The following FAM118A variants were observed in gnomAD, a reference collection of about 807,000 sequenced individuals.
FAM118A encodes SIR2 antiphage like 2, also known as protein FAM118A.
Under a neutral mutation model 38.2 loss-of-function variants are expected in FAM118A, and 25 were observed. The ratio of observed to expected loss-of-function variants is 0.65; its 90% CI spans 0.48 to 0.91. The LOEUF is 0.91. FAM118A is among the 40% of genes least tolerant of loss of function. The pLI, the probability that FAM118A is intolerant of heterozygous loss-of-function variation, is 0.00. For synonymous variants in FAM118A, 178 were observed against 184.1 expected (o/e 0.97, Z 0.27); for missense variants, 425 against 463.3 (o/e 0.92, Z 0.76).
chr22:45,331,882 T>G (rs1405301986), intron 5 of FAM118A, among the ~76,000 whole-genome samples: 1 of 121,452 alleles, frequency 8.2e-6, no homozygotes, highest in East Asian at 2.4e-4. Flanking sequence ...ACCCCGTCAG[T>G]CATGGTCACT....
chr22:45,326,867 G>A (rs1016325112), intron 3 of FAM118A, among the ~76,000 whole-genome samples: 1 of 23,144 alleles, frequency 4.3e-5, no homozygotes, highest in East Asian at 7.6e-4. Context: ...TTAACTAGGT[G>A]TTATGGTGTG....
rs774100442 is a variant in FAM118A, at chr22:45,328,342, G to A, written c.522+279G>A. On this transcript the variant is annotated intron_variant, in intron 4 of 8. Transcript: ENST00000441876. ...CTGGGGGTGCGGGAGGCCTTTGGCC[G>A]GCGGCAGAACAAGCCCATGGAGTCC... The A allele has an allele frequency of 5.8e-6, 6 of 1,040,840 alleles. 1 individual carries two copies. The highest frequency in any genetic ancestry group is 7.2e-6 in the Non-Finnish European group (5 of 696,736). 64.5% of individuals were successfully genotyped at this position (1,040,840 alleles called of 1,614,324 possible).
intron 3 of FAM118A, among the ~76,000 whole-genome samples, chr22:45,326,824 C>CA (rs36188767): frequency 0.11 from 4,080 of 38,828 alleles, 250 homozygotes; most frequent in African/African-American, 0.19. Flanking sequence ...GACTCTGTCT[C>CA]AAAAAAAAAA....
intron 8 of FAM118A, among the ~76,000 whole-genome samples, chr22:45,337,184 C>T (rs913979360): frequency 1.1e-4 from 16 of 152,232 alleles, no homozygotes; most frequent in Non-Finnish European, 1.0e-4. Context: ...CCCCCTAGCC[C>T]GCTGGCTTCC....
chr22:45,333,319 A>T (rs1053891652), intron 6 of FAM118A, among the ~76,000 whole-genome samples: 2 of 152,084 alleles, frequency 1.3e-5, no homozygotes, highest in African/African-American at 4.8e-5. Context: ...TGAGCCCAGG[A>T]GTTTAAGACC....
At chr22:45,326,543 T>G (rs2085279226) in intron 3 of FAM118A, among the ~76,000 whole-genome samples, 2 of 151,924 alleles carry the variant, frequency 1.3e-5, no homozygotes, top group Admixed American at 6.6e-5. Flanking sequence ...AAAAAAAATT[T>G]AGGCCGGGTA....
chr22:45,323,531 T>C, intron 3 of FAM118A, 104 bp downstream of exon 3: 1 of 1,447,426 alleles, frequency 6.9e-7, no homozygotes. Context: ...TTGTGTTCAG[T>C]GCTCAGCAGA....
At chr22:45,330,175 A>G (rs1264809432) in intron 4 of FAM118A, among the ~76,000 whole-genome samples, 4 of 152,194 alleles carry the variant, frequency 2.6e-5, no homozygotes, top group Non-Finnish European at 4.4e-5. Flanking sequence ...TGTTAAAGAC[A>G]TTTTCTATGT....
intron 6 of FAM118A, among the ~76,000 whole-genome samples, chr22:45,333,555 T>TCC (rs796979364): frequency 6.6e-6 from 1 of 151,310 alleles, no homozygotes; most frequent in African/African-American, 2.4e-5. Context: ...GCACCTGTAG[T>TCC]CCCAGCTACT....
At chr22:45,338,328 C>A in intron 8 of FAM118A, among the ~76,000 whole-genome samples, 1 of 152,136 alleles carries the variant, frequency 6.6e-6, no homozygotes, top group Non-Finnish European at 1.5e-5. Flanking sequence ...TTCTTGGATT[C>A]AAGCTGTTTT....
intron 5 of FAM118A, 145 bp downstream of exon 5, chr22:45,330,876 C>A: frequency 9.6e-6 from 8 of 837,520 alleles, no homozygotes; most frequent in Non-Finnish European, 1.3e-5. Context: ...GAGGGAGGGG[C>A]CACGTCTCTT....
In FAM118A at chr22:45,340,525, C is replaced by T; in HGVS notation, c.*120C>T. On this transcript the variant is annotated 3_prime_UTR_variant, in exon 9 of 9. Transcript: ENST00000441876. The stretch of plus-strand genomic sequence containing the variant: ...CTGATTGCGAAACCGTCACATACAC[C>T]AAGAGAGCCACATGGGCATGTGGCC... 1 of 1,207,640 alleles carries T rather than the reference C, an allele frequency of 8.3e-7. No homozygotes were observed. Among genetic ancestry groups the T allele is most frequent in the Non-Finnish European group, 1.2e-6 (1 of 814,676 alleles). The allele number at this position is 1,207,640 out of a possible 1,614,324, so 74.8% of individuals were successfully genotyped here.
chr22:45,322,577 C>T (rs1223330726), intron 2 of FAM118A, 151 bp downstream of exon 2: 2 of 721,168 alleles, frequency 2.8e-6, no homozygotes, highest in Non-Finnish European at 4.7e-6. Context: ...ATTTTCCACC[C>T]TTGGCTTCAA....
rs1256046099 is a variant in FAM118A, at chr22:45,330,495, T to A, written c.523-108T>A. 4.8e-6 allele frequency: 6 copies of A among 1,257,786 alleles called. No homozygotes were observed. The East Asian group carries it at 1.6e-4, about 34-fold the overall frequency. The allele number at this position is 1,257,786 out of a possible 1,614,324, so 77.9% of individuals were successfully genotyped here. ...GTAAAGTGAAGCATCTCTCGATGAT[T>A]CTTTCCAAGATAGGTTTAAAAACTA... is the stretch of plus-strand genomic sequence containing the variant. On this transcript the variant is annotated intron_variant, in intron 4 of 8. Coordinates refer to ENST00000441876, the MANE Select transcript of FAM118A (RefSeq NM_017911.4).
chr22:45,325,091 C>T (rs949626067), intron 3 of FAM118A, among the ~76,000 whole-genome samples: 1 of 152,032 alleles, frequency 6.6e-6, no homozygotes, highest in African/African-American at 2.4e-5. Context: ...TTTGCTCACC[C>T]GTCATAGGAA....
intron 1 of FAM118A, among the ~76,000 whole-genome samples, chr22:45,319,921 GC>G (rs1293046995): frequency 6.6e-6 from 1 of 152,154 alleles, no homozygotes; most frequent in African/African-American, 2.4e-5. Context: ...TGATTTCTTA[GC>G]ATTTGGGGTA....
intron 6 of FAM118A, among the ~76,000 whole-genome samples, chr22:45,333,470 C>G (rs1434172009): frequency 1.3e-5 from 2 of 151,956 alleles, no homozygotes; most frequent in Non-Finnish European, 2.9e-5. Flanking sequence ...GTCAGGAGAT[C>G]GAGACCATCC....
At chr22:45,327,780 T>C in intron 3 of FAM118A, 62 bp from the exon 4 acceptor site, 1 of 1,550,972 alleles carries the variant, frequency 6.4e-7, no homozygotes, top group Non-Finnish European at 8.9e-7. Flanking sequence ...AATGGCCTGC[T>C]TAGGTGCTCA....
intron 8 of FAM118A, among the ~76,000 whole-genome samples, chr22:45,337,204 C>T (rs1219443684): frequency 1.3e-5 from 2 of 152,230 alleles, no homozygotes; most frequent in South Asian, 2.1e-4. Context: ...CCCGTTTTGT[C>T]GGTCTCCGTG....
Sources: allele counts gnomAD v4.1 joint callset (sites outside exome capture counted in the v4.1 genomes callset), GRCh38; gene constraint gnomAD v4.1.1; transcripts MANE v1.5; gene names NCBI Gene and HGNC (gene_info 2026-07-23, HGNC 2026-07-21).